Variants in LMO7 observed in about 807,000 individuals in gnomAD.
LMO7 encodes LIM domain 7, also known as LIM domain only protein 7.
LMO7 carries 120 observed loss-of-function variants against 206.5 expected under a neutral mutation model. The ratio of observed to expected loss-of-function variants is 0.58; its 90% CI spans 0.50 to 0.68. The LOEUF is 0.68. Ranked by LOEUF, LMO7 falls within the 30% of genes least tolerant of loss-of-function variation. The pLI is 0.00. For synonymous variants in LMO7, 706 were observed against 681.5 expected (o/e 1.04, Z -0.56); for missense variants, 1,959 against 1,957.9 (o/e 1.00, Z -0.01).
intron 2 of LMO7, among the ~76,000 whole-genome samples, chr13:75,716,402 AT>A (rs1373014330): frequency 6.6e-6 from 1 of 152,156 alleles, no homozygotes; most frequent in Non-Finnish European, 1.5e-5. Context: ...TGAAATTAGT[AT>A]CTTCATGTTA....
intron 1 of LMO7, among the ~76,000 whole-genome samples, chr13:75,669,188 A>G (rs973339087): frequency 2.0e-5 from 3 of 152,188 alleles, no homozygotes; most frequent in African/African-American, 4.8e-5. Context: ...GCTGGAATCT[A>G]TTGACCTGAT....
In LMO7 at chr13:75,636,535, C is replaced by G. The variant is rs969609539; in HGVS notation, c.-123C>G. On this transcript the variant is annotated 5_prime_UTR_variant, in exon 1 of 31. Coordinates refer to ENST00000377534, the MANE Select transcript of LMO7 (RefSeq NM_001306080.2). The stretch of plus-strand genomic sequence containing the variant: ...ACTAGAGCCCCGGCGCCTTCGCAGC[C>G]GGAGCGGAAGCCGGAGTTGTGGGAG... The G allele has an allele frequency of 1.4e-4, 218 of 1,520,738 alleles. No homozygotes were observed. Among genetic ancestry groups the G allele is most frequent in the Non-Finnish European group, 1.9e-4 (218 of 1,141,638 alleles). 94.2% of individuals were successfully genotyped at this position (1,520,738 alleles called of 1,614,324 possible).
intron 1 of LMO7, among the ~76,000 whole-genome samples, 169 bp from the exon 2 acceptor site, chr13:75,713,013 A>C (rs755130219): frequency 1.1e-4 from 17 of 152,240 alleles, no homozygotes; most frequent in Non-Finnish European, 1.5e-4. Flanking sequence ...TTTGTAATAT[A>C]AAACAGACAG....
At chr13:75,639,114 G>A (rs2036259783) in intron 1 of LMO7, among the ~76,000 whole-genome samples, 1 of 152,090 alleles carries the variant, frequency 6.6e-6, no homozygotes, top group Non-Finnish European at 1.5e-5. Context: ...ATGATGACTG[G>A]ACTCCATGTC....
chr13:75,827,344 A>G (rs898362080), intron 15 of LMO7, among the ~76,000 whole-genome samples: 4 of 152,190 alleles, frequency 2.6e-5, no homozygotes, highest in Non-Finnish European at 5.9e-5. Context: ...ACGAAAGCTA[A>G]GTCTGGAAGC....
chr13:75,726,993 A>G lies in LMO7; in HGVS notation c.141-36A>G, dbSNP rs540716180. ...TGCTAACAAAAAACCTGATATTGGC[A>G]TCTTGTAATTGCATCTGTTATTTAT... On this transcript the variant is annotated intron_variant, in intron 2 of 30. Coordinates refer to ENST00000377534, the MANE Select transcript of LMO7 (RefSeq NM_001306080.2). The G allele has an allele frequency of 9.9e-5, 115 of 1,165,932 alleles. 1 individual carries two copies. In the African/African-American group the frequency reaches 1.2e-3, roughly 12 times the overall value. 72.2% of individuals were successfully genotyped at this position (1,165,932 alleles called of 1,614,324 possible).
At chr13:75,712,343 C>T (rs2043189445) in intron 1 of LMO7, among the ~76,000 whole-genome samples, 1 of 152,152 alleles carries the variant, frequency 6.6e-6, no homozygotes. Flanking sequence ...TCCCTGCCCT[C>T]CCCTTGAGCT....
At chr13:75,684,807 GTATA>G (rs896401010) in intron 1 of LMO7, among the ~76,000 whole-genome samples, 5 of 148,272 alleles carry the variant, frequency 3.4e-5, no homozygotes, top group African/African-American at 1.3e-4. Context: ...GTGTGTGTGT[GTATA>G]TGTATATACA....
At chr13:75,840,279 A>C in intron 21 of LMO7, 112 bp from the exon 22 acceptor site, 6 of 1,407,026 alleles carry the variant, frequency 4.3e-6, no homozygotes, top group Non-Finnish European at 6.0e-6. Context: ...CCCTTGGTAC[A>C]GTTTAAGCAA....
At chr13:75,812,289 CT>C (rs2056489347) in intron 11 of LMO7, among the ~76,000 whole-genome samples, 1 of 152,132 alleles carries the variant, frequency 6.6e-6, no homozygotes. Context: ...ATCACATTGC[CT>C]TTTTATTATA....
At chr13:75,662,230 T>G (rs2038675149) in intron 1 of LMO7, among the ~76,000 whole-genome samples, 1 of 152,254 alleles carries the variant, frequency 6.6e-6, no homozygotes, top group African/African-American at 2.4e-5. Flanking sequence ...GCACATAATT[T>G]CAGTGGTTTC....
chr13:75,779,076 G>A (rs1051877042), intron 4 of LMO7, among the ~76,000 whole-genome samples: 5 of 152,072 alleles, frequency 3.3e-5, no homozygotes, highest in Non-Finnish European at 7.4e-5. Flanking sequence ...TTTGGCTTAG[G>A]CCTCAGCTTC....
In LMO7 at chr13:75,776,144, TGCC is replaced by T. The variant is rs111573123; in HGVS notation, c.317+15107_317+15109del. 6.1e-5 allele frequency among the ~76,000 whole-genome samples: 5 copies of T among 81,516 alleles called. No homozygotes were observed. In the East Asian group the frequency reaches 1.9e-3, roughly 30 times the overall value. 53.5% of individuals were successfully genotyped at this position (81,516 alleles called of 152,430 possible). On this transcript the variant is annotated intron_variant, in intron 4 of 30. Transcript: ENST00000377534. Reference sequence around the variant, plus strand: ...ATACATACATATATATATATATATATGCCATGTATATATATCGGATATATATAT... The same window carrying T: ...ATACATACATATATATATATATATATATGTATATATATCGGATATATATAT...
intron 1 of LMO7, chr13:75,688,459 T>C (rs2041196736): frequency 6.6e-6 from 1 of 152,244 alleles, no homozygotes; most frequent in African/African-American, 2.4e-5. Flanking sequence ...TTCTTTCAAC[T>C]TCTGTCGGTT....
At chr13:75,835,107 C>T (rs1258621759) in intron 17 of LMO7, 126 bp from the exon 18 acceptor site, 1 of 1,242,800 alleles carries the variant, frequency 8.0e-7, no homozygotes, top group Non-Finnish European at 1.1e-6. Context: ...ATTCTTTCCA[C>T]TTCAACATCT....
intron 3 of LMO7, among the ~76,000 whole-genome samples, chr13:75,727,474 A>G (rs1594559906): frequency 6.6e-6 from 1 of 152,144 alleles, no homozygotes; most frequent in East Asian, 1.9e-4. Flanking sequence ...ACAAAGTACG[A>G]ATACCTTCTA....
At position 75,820,874 on chromosome 13, in the gene LMO7, G is replaced by A. The variant is rs886311517; in HGVS notation, c.2208-303G>A. On this transcript the variant is annotated intron_variant, in intron 13 of 30. Transcript: ENST00000377534. ...TAGCTGGGTGTGGTGGCGCATGCCCGTAATCCCAGCTACTCGGGAGGCTGA... is the reference window on the plus strand; with the variant it reads ...TAGCTGGGTGTGGTGGCGCATGCCCATAATCCCAGCTACTCGGGAGGCTGA... Among the ~76,000 whole-genome samples, 5 of 152,012 alleles carry A rather than the reference G, an allele frequency of 3.3e-5. No individual in the cohort carries two copies. In the East Asian group the frequency reaches 7.7e-4, roughly 24 times the overall value.
chr13:75,677,133 A>G (rs551169332), intron 1 of LMO7, among the ~76,000 whole-genome samples: 1 of 152,166 alleles, frequency 6.6e-6, no homozygotes, highest in Non-Finnish European at 1.5e-5. Context: ...CTGTGTATAC[A>G]TTAGCATTAG....
At chr13:75,682,751 T>G (rs1034137839) in intron 1 of LMO7, among the ~76,000 whole-genome samples, 2 of 152,214 alleles carry the variant, frequency 1.3e-5, no homozygotes, top group East Asian at 3.8e-4. Flanking sequence ...TCCCCACACA[T>G]CTTGACTCCT....
Sources: gnomAD v4.1 joint callset for allele counts (sites outside exome capture counted in the v4.1 genomes callset) on GRCh38, gnomAD v4.1.1 for gene constraint, MANE v1.5 for transcripts, NCBI Gene and HGNC (gene_info 2026-07-23, HGNC 2026-07-21) for gene names.